The following IRX3 variants were observed in gnomAD, a reference collection of about 807,000 sequenced individuals.
The protein encoded by IRX3 is iroquois-class homeodomain protein IRX-3.
A neutral mutation model predicts 36.4 loss-of-function variants in IRX3; 20 were observed. The ratio of observed to expected loss-of-function variants is 0.55; its 90% CI spans 0.39 to 0.80. The LOEUF is 0.80. Among genes scored for constraint, IRX3 ranks in the 30% least tolerant of loss-of-function variants. IRX3 has a pLI of 0.00. For synonymous variants in IRX3, 404 were observed against 351.6 expected (o/e 1.15, Z -1.67); for missense variants, 718 against 733.2 (o/e 0.98, Z 0.24).
rs1356017183 is a variant in IRX3, at chr16:54,285,034, C to T, written c.847G>A (p.Gly283Arg). ...AARRDGDLGL[G>R]PISDSKNSDS... The stretch of plus-strand genomic sequence containing the variant: ...CTATTTTTGGAGTCCGAAATGGGTC[C>T]CAGGCCTAGGTCGCCATCCCTGCGC... Residue 283 changes from glycine (G) to arginine (R), a missense_variant, in exon 2 of 4, where the codon GGA (glycine) becomes AGA (arginine). By Grantham distance (125) the Gly-to-Arg change is moderately radical (BLOSUM62 -2). Coordinates refer to ENST00000329734, the MANE Select transcript of IRX3 (RefSeq NM_024336.3). The surrounding 1 kb of genome is among the most constrained non-coding windows in gnomAD (Gnocchi z 5.7). 2.5e-6 allele frequency: 4 copies of T among 1,613,734 alleles called. No individual in the cohort carries two copies. Among genetic ancestry groups the T allele is most frequent in the East Asian group, 2.2e-5 (1 of 44,818 alleles).
At position 54,285,850 on chromosome 16, in the gene IRX3, G is replaced by T; in HGVS notation, c.201C>A (p.Ala67=). ...YGAPYAAAAA[A]AAAQGYGAFL... ...AGGCGCCGTAGCCTTGGGCGGCGGC[G>T]GCCGCAGCGGCCGCGGCGTAGGGCG... is the stretch of plus-strand genomic sequence containing the variant. The change falls in exon 1 of 4, where the codon GCC becomes GCA. Residue 67 remains alanine, a synonymous_variant. Coordinates refer to ENST00000329734, the MANE Select transcript of IRX3 (RefSeq NM_024336.3). This position sits in a 1 kb window ranked among gnomAD's most constrained non-coding sequence, Gnocchi z 5.7. 1 of 1,545,478 alleles carries T rather than the reference G, an allele frequency of 6.5e-7. No homozygotes were observed. The highest frequency in any genetic ancestry group is 2.0e-5 in the Admixed American group (1 of 51,104).
In IRX3 at chr16:54,283,973, C is replaced by T. The variant is rs1186863813; in HGVS notation, c.1452-233G>A. On this transcript the variant is annotated intron_variant, in intron 3 of 3. Transcript: ENST00000329734. This position sits in a 1 kb window ranked among gnomAD's most constrained non-coding sequence, Gnocchi z 4.4. ...TGGGCGTCAGAGAACCGCCACCCGC[C>T]CCAGGGGCCTGTGGGCCCAGCCACG... 49 of 1,439,376 alleles carry T rather than the reference C, an allele frequency of 3.4e-5. No homozygotes were observed. Among genetic ancestry groups the T allele is most frequent in the Non-Finnish European group, 4.2e-5 (46 of 1,101,240 alleles). 89.2% of individuals were successfully genotyped at this position (1,439,376 alleles called of 1,614,324 possible). A position where few individuals can be genotyped will look rare whatever the true frequency, so the allele number is the denominator to read the frequency against.
At position 54,286,617 on chromosome 16, in the gene IRX3, C is replaced by CCGTT. The variant is rs1387057697; in HGVS notation, c.-571_-568dup. Reference sequence around the variant, plus strand: ...CTCACGAGGGCTTTTGCTCTCCGGTCCGTTCCCTTCACTTCTTCCTTTCTC... The same window carrying CCGTT: ...CTCACGAGGGCTTTTGCTCTCCGGTCCGTTCGTTCCCTTCACTTCTTCCTTTCTC... On this transcript the variant is annotated 5_prime_UTR_variant, in exon 1 of 4. Coordinates refer to ENST00000329734, the MANE Select transcript of IRX3 (RefSeq NM_024336.3). 1 of 153,844 alleles carries CCGTT rather than the reference C, an allele frequency of 6.5e-6. No homozygotes were observed. The highest frequency in any genetic ancestry group is 1.4e-5 in the Non-Finnish European group (1 of 69,402). 9.5% of individuals were successfully genotyped at this position (153,844 alleles called of 1,614,324 possible).
chr16:54,286,361 C>G lies in IRX3; in HGVS notation c.-311G>C. Reference sequence around the variant, plus strand: ...GCGCCGCGCTCCCTCCTCTCGGCCGCCGGAGCTGCCTCTGCCCGCTCCTCG... The same window carrying G: ...GCGCCGCGCTCCCTCCTCTCGGCCGGCGGAGCTGCCTCTGCCCGCTCCTCG... On this transcript the variant is annotated 5_prime_UTR_variant, in exon 1 of 4. Transcript: ENST00000329734. 1 of 987,662 alleles carries G rather than the reference C, an allele frequency of 1.0e-6. No homozygotes were observed. The highest frequency in any genetic ancestry group is 1.2e-6 in the Non-Finnish European group (1 of 831,612). 61.2% of individuals were successfully genotyped at this position (987,662 alleles called of 1,614,324 possible).
In IRX3 at chr16:54,285,144, G is replaced by T. The variant is rs767981006; in HGVS notation, c.737C>A (p.Ala246Asp). The change falls in exon 2 of 4, where the codon GCT (alanine) becomes GAT (aspartate). Residue 246 changes from alanine (A) to aspartate (D), a missense_variant. By Grantham distance (126) the Ala-to-Asp change is moderately radical. Around this residue, in one of 3 missense-constraint regions of IRX3, gnomAD observed 468 missense variants for 462.1 expected, o/e 1.01. Coordinates refer to ENST00000329734, the MANE Select transcript of IRX3 (RefSeq NM_024336.3). This position sits in a 1 kb window ranked among gnomAD's most constrained non-coding sequence, Gnocchi z 5.7. Reference protein sequence around the residue: ...EEEDTGGEGLADDDEDEEIDL... With the variant: ...EEEDTGGEGLDDDDEDEEIDL... ...GATCTCCTCGTCCTCGTCGTCGTCA[G>T]CCAGGCCCTCGCCCCCCGTGTCCTC... The T allele has an allele frequency of 1.5e-5, 24 of 1,610,516 alleles. No individual in the cohort carries two copies. The highest frequency in any genetic ancestry group is 2.0e-5 in the Non-Finnish European group (24 of 1,178,714).
Position 54,284,308 on chromosome 16 carries a change from GC to G in IRX3, c.1388del (p.Arg463ProfsTer60). On this transcript the variant is annotated frameshift_variant, in exon 3 of 4. Transcript: ENST00000329734. LOFTEE classifies it high-confidence loss of function. The surrounding 1 kb of genome is among the most constrained non-coding windows in gnomAD (Gnocchi z 4.0). ...TTTTCTCCACTTCCAAGGCACTACA[GC>G]GATCTAAGGGAAGCGGGGGAAGAAA... Reference protein sequence around the residue: ...RPAEPEGGTDRCSALEVEKKL... With the variant: ...RPAEPEGGTDXCSALEVEKKL... 1 of 1,608,050 alleles carries G rather than the reference GC, an allele frequency of 6.2e-7. No individual in the cohort carries two copies. Among genetic ancestry groups the G allele is most frequent in the Non-Finnish European group, 8.5e-7 (1 of 1,177,410 alleles).
Position 54,286,166 on chromosome 16 carries a change from C to G in IRX3, c.-116G>C. ...TGGGCCGGGCTTGGGGCCGCGCTGC[C>G]GCCCGCGCTGCGCTGTGCTCCGCGT... On this transcript the variant is annotated 5_prime_UTR_variant, in exon 1 of 4. Transcript: ENST00000329734. 1 of 1,058,752 alleles carries G rather than the reference C, an allele frequency of 9.4e-7. No individual in the cohort carries two copies. Among genetic ancestry groups the G allele is most frequent in the East Asian group, 8.2e-5 (1 of 12,222 alleles). 65.6% of individuals were successfully genotyped at this position (1,058,752 alleles called of 1,614,324 possible). A position where few individuals can be genotyped will look rare whatever the true frequency, so the allele number is the denominator to read the frequency against.
In IRX3 at chr16:54,285,777, C is replaced by T; in HGVS notation, c.267+7G>A. On this transcript the variant is annotated splice_region_variant and intron_variant, in intron 1 of 3. Coordinates refer to ENST00000329734, the MANE Select transcript of IRX3 (RefSeq NM_024336.3). The surrounding 1 kb of genome is among the most constrained non-coding windows in gnomAD (Gnocchi z 5.7). ...ACCCCTCCTTCCCTGGCTCCGCGGG[C>T]TCTTACCAGCTGCGGGAAGATGGGC... 6.5e-7 allele frequency: 1 copy of T among 1,542,088 alleles called. No individual in the cohort carries two copies. Among genetic ancestry groups the T allele is most frequent in the Non-Finnish European group, 8.7e-7 (1 of 1,153,522 alleles).
Position 54,284,362 on chromosome 16 carries a change from C to G in IRX3, c.1385-50G>C, listed in dbSNP as rs768347037. 8 of 1,568,286 alleles carry G rather than the reference C, an allele frequency of 5.1e-6. 1 individual carries two copies. The highest frequency in any genetic ancestry group is 4.8e-5 in the East Asian group (2 of 41,766). On this transcript the variant is annotated intron_variant, in intron 2 of 3. Transcript: ENST00000329734. The surrounding 1 kb of genome is among the most constrained non-coding windows in gnomAD (Gnocchi z 4.0). The stretch of plus-strand genomic sequence containing the variant: ...GGAGGGCCTTTAGAGCGCTCGGTGC[C>G]GGCGCCCAGGGCCGCAGAAAGCAGG...
Position 54,286,314 on chromosome 16 carries a change from G to T in IRX3, c.-264C>A. The stretch of plus-strand genomic sequence containing the variant: ...TCCGGGCTCTGATTGACATTTCTAC[G>T]GGGCGCAAGCCCCTCCTCTCTGCGC... On this transcript the variant is annotated 5_prime_UTR_variant, in exon 1 of 4. Transcript: ENST00000329734. The T allele has an allele frequency of 2.0e-6, 2 of 992,470 alleles. No individual in the cohort carries two copies. The highest frequency in any genetic ancestry group is 4.7e-5 in the South Asian group (1 of 21,454). The allele number at this position is 992,470 out of a possible 1,614,324, so 61.5% of individuals were successfully genotyped here.
Position 54,285,190 on chromosome 16 carries a change from C to T in IRX3, c.691G>A (p.Glu231Lys). The T allele has an allele frequency of 6.2e-7, 1 of 1,602,580 alleles. No individual in the cohort carries two copies. Among genetic ancestry groups the T allele is most frequent in the Non-Finnish European group, 8.5e-7 (1 of 1,174,400 alleles). Residue 231 changes from glutamate to lysine, a missense_variant, in exon 2 of 4, where the codon GAG (glutamate) becomes AAG (lysine). Around this residue, in one of 3 missense-constraint regions of IRX3, gnomAD observed 468 missense variants for 462.1 expected, o/e 1.01. Coordinates refer to ENST00000329734, the MANE Select transcript of IRX3 (RefSeq NM_024336.3). This position sits in a 1 kb window ranked among gnomAD's most constrained non-coding sequence, Gnocchi z 5.7. ...TCCTCCTCCTCCCCCCCGAGCTCCTCCTCCTCCAGCTCTAGCTCGCGTTTG... is the reference window on the plus strand; with the variant it reads ...TCCTCCTCCTCCCCCCCGAGCTCCTTCTCCTCCAGCTCTAGCTCGCGTTTG... The part of the protein sequence containing the change: ...DGKRELELEE[E>K]ELGGEEEDTG...
Position 54,286,124 on chromosome 16 carries a change from C to T in IRX3, c.-74G>A. On this transcript the variant is annotated 5_prime_UTR_variant, in exon 1 of 4. Coordinates refer to ENST00000329734, the MANE Select transcript of IRX3 (RefSeq NM_024336.3). ...CCAGCTCAGCGCCGCCCGCGGGCTC[C>T]GGCGCGCATCGGGGGCTGGGCCGGG... The T allele has an allele frequency of 1.7e-6, 2 of 1,168,586 alleles. No homozygotes were observed. The highest frequency in any genetic ancestry group is 2.1e-6 in the Non-Finnish European group (2 of 940,804). The allele number at this position is 1,168,586 out of a possible 1,614,324, so 72.4% of individuals were successfully genotyped here.
At position 54,283,675 on chromosome 16, in the gene IRX3, T is replaced by G; in HGVS notation, c.*11A>C. 8.0e-7 allele frequency: 1 copy of G among 1,255,920 alleles called. No individual in the cohort carries two copies. 77.8% of individuals were successfully genotyped at this position (1,255,920 alleles called of 1,614,324 possible). A position where few individuals can be genotyped will look rare whatever the true frequency, so the allele number is the denominator to read the frequency against. On this transcript the variant is annotated 3_prime_UTR_variant, in exon 4 of 4. Coordinates refer to ENST00000329734, the MANE Select transcript of IRX3 (RefSeq NM_024336.3). The surrounding 1 kb of genome is among the most constrained non-coding windows in gnomAD (Gnocchi z 4.4). ...AAAAGTTTTTTTTGTTTTTTTGTTT[T>G]TTTTAAAGAACTAGGATGAGGAGAG...
Position 54,283,608 on chromosome 16 carries a change from A to G in IRX3, c.*78T>C, listed in dbSNP as rs935033403. 19 of 729,098 alleles carry G rather than the reference A, an allele frequency of 2.6e-5. No individual in the cohort carries two copies. Among genetic ancestry groups the G allele is most frequent in the Admixed American group, 2.3e-4 (10 of 44,338 alleles). The allele number at this position is 729,098 out of a possible 1,614,324, so 45.2% of individuals were successfully genotyped here. ...ACGGACATGCTTACAAGTTGTAACT[A>G]TACAGAGCGATTTTTTTTATACAAT... On this transcript the variant is annotated 3_prime_UTR_variant, in exon 4 of 4. Coordinates refer to ENST00000329734, the MANE Select transcript of IRX3 (RefSeq NM_024336.3). The surrounding 1 kb of genome is among the most constrained non-coding windows in gnomAD (Gnocchi z 4.4).
Position 54,285,180 on chromosome 16 carries a change from C to A in IRX3, c.701G>T (p.Gly234Val). 1 of 1,602,558 alleles carries A rather than the reference C, an allele frequency of 6.2e-7. No homozygotes were observed. The highest frequency in any genetic ancestry group is 8.5e-7 in the Non-Finnish European group (1 of 1,174,478). The change falls in exon 2 of 4, where the codon GGG becomes GTG. Residue 234 changes from glycine to valine, a missense_variant. By Grantham distance (109) the Gly-to-Val change is moderately radical. Transcript: ENST00000329734. This position sits in a 1 kb window ranked among gnomAD's most constrained non-coding sequence, Gnocchi z 5.7. ...GCCCCCCGTGTCCTCCTCCTCCCCC[C>A]CGAGCTCCTCCTCCTCCAGCTCTAG... is the stretch of plus-strand genomic sequence containing the variant. Reference protein sequence around the residue: ...RELELEEEELGGEEEDTGGEG... With the variant: ...RELELEEEELVGEEEDTGGEG...
In IRX3 at chr16:54,283,730, G is replaced by A; in HGVS notation, c.1462C>T (p.His488Tyr). 1 of 1,565,266 alleles carries A rather than the reference G, an allele frequency of 6.4e-7. No homozygotes were observed. Reference protein sequence around the residue: ...FQPVPRRPQNHLDAALVLSAL... With the variant: ...FQPVPRRPQNYLDAALVLSAL... ...GATAAGACCAGGGCGGCGTCCAGAT[G>A]GTTCTGGGGCCTGGAAGAGAGAGAC... The change falls in exon 4 of 4, where the codon CAT becomes TAT. Residue 488 changes from histidine to tyrosine, a missense_variant. Transcript: ENST00000329734. The surrounding 1 kb of genome is among the most constrained non-coding windows in gnomAD (Gnocchi z 4.4).
rs750317837 is a variant in IRX3 at position 54,285,002 on chromosome 16, C to T, written c.879G>A (p.Ser293=). The T allele has an allele frequency of 1.9e-6, 3 of 1,613,558 alleles. No homozygotes were observed. Among genetic ancestry groups the T allele is most frequent in the African/African-American group, 1.3e-5 (1 of 74,910 alleles). ...CCTCTAAGCCCTCAGAGCTATCTTC[C>T]GAGTCGCTATTTTTGGAGTCCGAAA... ...GPISDSKNSD[S]EDSSEGLEDR... Residue 293 remains serine (S), a synonymous_variant, in exon 2 of 4, where the codon TCG becomes TCA. Coordinates refer to ENST00000329734, the MANE Select transcript of IRX3 (RefSeq NM_024336.3). This position sits in a 1 kb window ranked among gnomAD's most constrained non-coding sequence, Gnocchi z 5.7.
chr16:54,283,700 G>C lies in IRX3; in HGVS notation c.1492C>G (p.Leu498Val), dbSNP rs1901232600. The C allele has an allele frequency of 1.5e-6, 2 of 1,362,590 alleles. No individual in the cohort carries two copies. Among genetic ancestry groups the C allele is most frequent in the South Asian group, 2.3e-5 (2 of 86,140 alleles). 84.4% of individuals were successfully genotyped at this position (1,362,590 alleles called of 1,614,324 possible). The change falls in exon 4 of 4, where the codon CTC becomes GTC. Residue 498 changes from leucine to valine, a missense_variant. This residue lies in a region of IRX3 where 468 missense variants were observed against 462.1 expected (regional missense o/e 1.01). Transcript: ENST00000329734. The surrounding 1 kb of genome is among the most constrained non-coding windows in gnomAD (Gnocchi z 4.4). ...TTTTTAAAGAACTAGGATGAGGAGA[G>C]AGCCGATAAGACCAGGGCGGCGTCC... is the stretch of plus-strand genomic sequence containing the variant. ...HLDAALVLSA[L>V]SSS
At position 54,283,657 on chromosome 16, in the gene IRX3, T is replaced by C. The variant is rs780640001; in HGVS notation, c.*29A>G. On this transcript the variant is annotated 3_prime_UTR_variant, in exon 4 of 4. Coordinates refer to ENST00000329734, the MANE Select transcript of IRX3 (RefSeq NM_024336.3). The surrounding 1 kb of genome is among the most constrained non-coding windows in gnomAD (Gnocchi z 4.4). ...ATTATTACAACGATTAAAAAAAGTT[T>C]TTTTTGTTTTTTTGTTTTTTTTAAA... is the stretch of plus-strand genomic sequence containing the variant. The C allele has an allele frequency of 9.4e-7, 1 of 1,060,026 alleles. No homozygotes were observed. The highest frequency in any genetic ancestry group is 1.4e-6 in the Non-Finnish European group (1 of 699,982). The allele number at this position is 1,060,026 out of a possible 1,614,324, so 65.7% of individuals were successfully genotyped here.
Sources: gnomAD v4.1 joint callset for allele counts on GRCh38, gnomAD v4.1.1 for gene constraint, gnomAD v4.1.1 regional missense constraint, Gnocchi (gnomAD v3.1) non-coding constraint, MANE v1.5 for transcripts, NCBI Gene and HGNC (gene_info 2026-07-23, HGNC 2026-07-21) for gene names.